Variants in TGFBRAP1 observed in about 807,000 individuals in gnomAD.
The protein encoded by TGFBRAP1 is transforming growth factor-beta receptor-associated protein 1.
In TGFBRAP1, 20 loss-of-function variants were observed where a neutral mutation model predicts 83.2. That is an observed-to-expected ratio of 0.24 (90% CI 0.17 to 0.35). TGFBRAP1 has a LOEUF of 0.35. Among genes scored for constraint, TGFBRAP1 ranks in the 10% least tolerant of loss-of-function variants. TGFBRAP1 has a pLI of 1.00. For missense variants in TGFBRAP1, 950 were observed against 1,099.4 expected (o/e 0.86, Z 1.92); for synonymous variants, 415 against 459.8 (o/e 0.90, Z 1.25).
chr2:105,259,944 C>A (rs532483665), downstream of TGFBRAP1, among the ~76,000 whole-genome samples: 1 of 151,990 alleles, frequency 6.6e-6, no homozygotes, highest in Non-Finnish European at 1.5e-5. Context: ...AATAAGCAGA[C>A]GACTGTTAGA....
At chr2:105,259,975 T>C (rs1246636496), downstream of TGFBRAP1, among the ~76,000 whole-genome samples, 1 of 152,228 alleles carries the variant, frequency 6.6e-6, no homozygotes, top group African/African-American at 2.4e-5. Flanking sequence ...TAGGGTTATA[T>C]TTTTCTATGT....
At chr2:105,277,749 G>T in intron 6 of TGFBRAP1, 78 bp from the exon 7 acceptor site, 1 of 1,308,732 alleles carries the variant, frequency 7.6e-7, no homozygotes. Flanking sequence ...GACACCCCCA[G>T]TCCAAGCTCC....
chr2:105,269,575 C>G lies in TGFBRAP1; in HGVS notation c.2103G>C (p.Leu701=). Residue 701 remains leucine, a synonymous_variant, in exon 11 of 12, where the codon CTG becomes CTC. Coordinates refer to ENST00000393359, the MANE Select transcript of TGFBRAP1 (RefSeq NM_004257.6). The surrounding 1 kb of genome is among the most constrained non-coding windows in gnomAD (Gnocchi z 4.1). ...QDFAAAEDYC[L]WCSEGRDPPH... Reference sequence around the variant, plus strand: ...GTGGGTCTCGGCCCTCGGAGCACCACAGGCAGTAGTCCTCGGCCGCTGCAA... The same window carrying G: ...GTGGGTCTCGGCCCTCGGAGCACCAGAGGCAGTAGTCCTCGGCCGCTGCAA... The G allele has an allele frequency of 6.2e-7, 1 of 1,611,614 alleles. No homozygotes were observed. The highest frequency in any genetic ancestry group is 8.5e-7 in the Non-Finnish European group (1 of 1,178,774).
chr2:105,321,208 C>T (rs1418465664), intron 1 of TGFBRAP1, among the ~76,000 whole-genome samples: 1 of 151,674 alleles, frequency 6.6e-6, no homozygotes, highest in East Asian at 1.9e-4. Flanking sequence ...GCTTTGTTGC[C>T]CAGGCTGCAG....
chr2:105,283,144 G>A (rs1292952088), intron 5 of TGFBRAP1, among the ~76,000 whole-genome samples: 1 of 152,180 alleles, frequency 6.6e-6, no homozygotes, highest in African/African-American at 2.4e-5. Context: ...GTCCAAAGGG[G>A]CAAAAAACTG....
At chr2:105,268,116 C>T (rs964684522) in intron 11 of TGFBRAP1, among the ~76,000 whole-genome samples, 4 of 152,178 alleles carry the variant, frequency 2.6e-5, no homozygotes, top group African/African-American at 9.7e-5. Flanking sequence ...GACTTGAGTT[C>T]TGAAAGTTAT....
chr2:105,264,381 T>C (rs1189932097), downstream of TGFBRAP1: 1 of 152,228 alleles, frequency 6.6e-6, no homozygotes, highest in African/African-American at 2.4e-5. Context: ...ACTCTTTATT[T>C]AGACTAGGTA....
At chr2:105,316,420 AGTGTGTGTGTGTGTGTGT>A (rs71393002) in intron 1 of TGFBRAP1, among the ~76,000 whole-genome samples, 21 of 109,134 alleles carry the variant, frequency 1.9e-4, no homozygotes, top group South Asian at 1.4e-3. Flanking sequence ...AGGTATAGGG[AGTGTGTGTGTGTGTGTGT>A]GTGTGTGTGT....
chr2:105,271,161 C>T (rs1198948983), intron 10 of TGFBRAP1, among the ~76,000 whole-genome samples: 1 of 152,190 alleles, frequency 6.6e-6, no homozygotes, highest in Non-Finnish European at 1.5e-5. Flanking sequence ...GTTCCTCGGC[C>T]CTTCTAGAAC....
At chr2:105,272,176 C>T (rs1195369231) in intron 10 of TGFBRAP1, among the ~76,000 whole-genome samples, 2 of 152,188 alleles carry the variant, frequency 1.3e-5, no homozygotes, top group Non-Finnish European at 2.9e-5. Flanking sequence ...TTAATTCTAC[C>T]AGTTGCAAGC....
chr2:105,258,884 T>G, the TGFBRAP1 span, among the ~76,000 whole-genome samples: 339 of 152,352 alleles, frequency 2.2e-3, 1 homozygote, highest in Admixed American at 4.5e-3. Flanking sequence ...CCCTGTCGGT[T>G]GCTGCTTAAG....
chr2:105,290,629 G>C (rs552257862), intron 4 of TGFBRAP1, among the ~76,000 whole-genome samples: 1 of 150,138 alleles, frequency 6.7e-6, no homozygotes, highest in Non-Finnish European at 1.5e-5. Context: ...GTGTGTGTGT[G>C]TGTGTGTGTG....
chr2:105,253,805 A>C, the TGFBRAP1 span, among the ~76,000 whole-genome samples: 1 of 152,238 alleles, frequency 6.6e-6, no homozygotes, highest in Non-Finnish European at 1.5e-5. Context: ...TGTAAAAACA[A>C]AACAAAAACC....
chr2:105,285,718 G>A (rs1375235874), intron 4 of TGFBRAP1, among the ~76,000 whole-genome samples: 1 of 152,228 alleles, frequency 6.6e-6, no homozygotes, highest in African/African-American at 2.4e-5. Flanking sequence ...TAGTTTTAAA[G>A]GACTCTCAGA....
chr2:105,294,229 A>T (rs1678007568), intron 4 of TGFBRAP1, among the ~76,000 whole-genome samples: 1 of 151,940 alleles, frequency 6.6e-6, no homozygotes, highest in Non-Finnish European at 1.5e-5. Flanking sequence ...TATCCGGCTC[A>T]CTGGTTGTTT....
At position 105,269,610 on chromosome 2, in the gene TGFBRAP1, G is replaced by C; in HGVS notation, c.2068C>G (p.Leu690Val). ...EKALHILVHE[L>V]QDFAAAEDYC... ...TCCTCGGCCGCTGCAAAGTCCTGCA[G>C]CTCGTGCACCAGGATATGCAGCGCC... Residue 690 changes from leucine to valine, a missense_variant, in exon 11 of 12, where the codon CTG (leucine) becomes GTG (valine). By Grantham distance (32) the Leu-to-Val change is conservative. Transcript: ENST00000393359. This position sits in a 1 kb window ranked among gnomAD's most constrained non-coding sequence, Gnocchi z 4.1. 8.1e-6 allele frequency: 13 copies of C among 1,608,458 alleles called. No individual in the cohort carries two copies. Among genetic ancestry groups the C allele is most frequent in the Non-Finnish European group, 1.1e-5 (13 of 1,176,546 alleles).
At chr2:105,264,169 T>A (rs1676848837), downstream of TGFBRAP1, among the ~76,000 whole-genome samples, 1 of 152,220 alleles carries the variant, frequency 6.6e-6, no homozygotes, top group African/African-American at 2.4e-5. Flanking sequence ...AGATAAGAAG[T>A]AATCAGAAGT....
At chr2:105,255,496 C>A in the TGFBRAP1 span, among the ~76,000 whole-genome samples, 1 of 152,092 alleles carries the variant, frequency 6.6e-6, no homozygotes, top group African/African-American at 2.4e-5. Flanking sequence ...TAACGTTTTA[C>A]TTTTTGTAAA....
At chr2:105,251,536 C>A in the TGFBRAP1 span, among the ~76,000 whole-genome samples, 13 of 149,502 alleles carry the variant, frequency 8.7e-5, no homozygotes, top group Admixed American at 8.0e-4. Context: ...ATCAGCCCCC[C>A]GCCTGGCCAG....
Sources: gnomAD v4.1 joint callset for allele counts (sites outside exome capture counted in the v4.1 genomes callset) on GRCh38, gnomAD v4.1.1 for gene constraint, Gnocchi (gnomAD v3.1) non-coding constraint, MANE v1.5 for transcripts, NCBI Gene and HGNC (gene_info 2026-07-23, HGNC 2026-07-21) for gene names.